TSG101: variants seen among roughly 807,000 people sequenced by gnomAD.
TSG101 encodes tumor susceptibility 101, also known as tumor susceptibility gene 101 protein.
Under a neutral mutation model 48.5 loss-of-function variants are expected in TSG101, and 19 were observed. The ratio of observed to expected loss-of-function variants is 0.39; its 90% confidence interval spans 0.27 to 0.58. The LOEUF (loss-of-function observed/expected upper bound fraction) is 0.58, where lower values mean the gene tolerates loss of function less well. TSG101 is among the 20% of genes least tolerant of loss of function. The probability of loss-of-function intolerance (pLI) is 0.55; values close to 1 mark genes in which losing one functional copy is unlikely to be tolerated. For synonymous variants in TSG101, 174 were observed against 169.4 expected (o/e 1.03, Z -0.21); for missense variants, 365 against 484.4 (o/e 0.75, Z 2.31).
chr11:18,498,389 A>C lies in TSG101; in HGVS notation c.640+4097T>G, dbSNP rs146428478. ...GAGAGATGTAGGGGGACAAGGAAAG[A>C]AGCAGAGAAATCTTGTGGAAGGCTT... On this transcript the variant is annotated intron_variant, in intron 7 of 9. Coordinates refer to ENST00000251968, the MANE Select transcript of TSG101 (RefSeq NM_006292.4). Among the ~76,000 whole-genome samples the C allele has an allele frequency of 2.2e-4, 33 of 152,332 alleles. No individual in the cohort carries two copies. In the East Asian group the frequency reaches 5.8e-3, roughly 27 times the overall value.
chr11:18,525,198 T>A (rs1347223372), intron 1 of TSG101, among the ~76,000 whole-genome samples: 1 of 152,166 alleles, frequency 6.6e-6, no homozygotes, highest in African/African-American at 2.4e-5. Flanking sequence ...CGTAAGCCAC[T>A]GCGCCCAGCC....
At chr11:18,481,957 TAACA>T in intron 8 of TSG101, 88 bp from the exon 9 acceptor site, 1 of 1,533,134 alleles carries the variant, frequency 6.5e-7, no homozygotes, top group South Asian at 1.3e-5. Flanking sequence ...AAAGACAGGC[TAACA>T]ACCATGTTTA....
At chr11:18,494,407 C>T (rs184856305) in intron 7 of TSG101, among the ~76,000 whole-genome samples, 242 of 152,262 alleles carry the variant, frequency 1.6e-3, no homozygotes, top group African/African-American at 5.3e-3. Context: ...ATAGGAATAA[C>T]GACAGGAAGC....
chr11:18,488,983 T>C (rs1359415070), intron 7 of TSG101, among the ~76,000 whole-genome samples: 6 of 151,748 alleles, frequency 4.0e-5, no homozygotes, highest in Non-Finnish European at 8.8e-5. Flanking sequence ...GGCGTGGTGG[T>C]GCGTGCCTGT....
rs1290069477 is a variant in TSG101, at chr11:18,480,499, G to C, written c.*47C>G. ...TGGGCACCTACTGATAAAAGGAAGA[G>C]AAGAATACTTTAAGAAGAGCTCAAC... is the stretch of plus-strand genomic sequence containing the variant. On this transcript the variant is annotated 3_prime_UTR_variant, in exon 10 of 10. Transcript: ENST00000251968. 1.3e-6 allele frequency: 2 copies of C among 1,485,534 alleles called. No homozygotes were observed. Among genetic ancestry groups the C allele is most frequent in the East Asian group, 4.6e-5 (2 of 43,632 alleles). The allele number at this position is 1,485,534 out of a possible 1,614,324, so 92.0% of individuals were successfully genotyped here.
chr11:18,481,389 A>G, intron 9 of TSG101: 1 of 1,296,702 alleles, frequency 7.7e-7, no homozygotes, highest in East Asian at 3.3e-5. Flanking sequence ...CACTCATCTT[A>G]ATGCTGCCTG....
At position 18,487,267 on chromosome 11, in the gene TSG101, A is replaced by G. The variant is rs548015713; in HGVS notation, c.641-3195T>C. On this transcript the variant is annotated intron_variant, in intron 7 of 9. Transcript: ENST00000251968. Reference sequence around the variant, plus strand: ...CCCTAAAACTTAAAGTATAATAAAAAAAAAAAAGAAAAAAAAATTTCTGTT... The same window carrying G: ...CCCTAAAACTTAAAGTATAATAAAAGAAAAAAAGAAAAAAAAATTTCTGTT... Among the ~76,000 whole-genome samples the G allele has an allele frequency of 7.9e-5, 12 of 151,992 alleles. No individual in the cohort carries two copies. In the East Asian group the frequency reaches 2.3e-3, roughly 29 times the overall value.
At chr11:18,515,528 T>C (rs1326774615) in intron 3 of TSG101, among the ~76,000 whole-genome samples, 1 of 152,226 alleles carries the variant, frequency 6.6e-6, no homozygotes, top group East Asian at 1.9e-4. Context: ...TCATTAGCAT[T>C]ATCACCAACA....
intron 7 of TSG101, among the ~76,000 whole-genome samples, chr11:18,498,607 G>A (rs1218604185): frequency 6.6e-6 from 1 of 152,166 alleles, no homozygotes; most frequent in East Asian, 1.9e-4. Flanking sequence ...TTGAGTTTGA[G>A]ATGCCTATTA....
chr11:18,499,255 T>A (rs976089366), intron 7 of TSG101, among the ~76,000 whole-genome samples: 1 of 118,952 alleles, frequency 8.4e-6, no homozygotes, highest in Non-Finnish European at 1.8e-5. Context: ...ATTTATATAT[T>A]ATATATATTT....
intron 7 of TSG101, among the ~76,000 whole-genome samples, chr11:18,498,937 G>T (rs1033445153): frequency 1.3e-5 from 2 of 152,042 alleles, no homozygotes; most frequent in South Asian, 2.1e-4. Flanking sequence ...GTAACCAACT[G>T]TGTCAAATGC....
chr11:18,494,939 T>C (rs1849751577), intron 7 of TSG101, among the ~76,000 whole-genome samples: 1 of 152,248 alleles, frequency 6.6e-6, no homozygotes, highest in Admixed American at 6.5e-5. Flanking sequence ...CTTATTTTTC[T>C]TCACCTTTTC....
intron 7 of TSG101, among the ~76,000 whole-genome samples, chr11:18,487,208 C>T (rs1849631596): frequency 6.6e-6 from 1 of 150,406 alleles, no homozygotes; most frequent in Admixed American, 6.6e-5. Context: ...CACATGTATA[C>T]ATATGTAACT....
At chr11:18,503,283 A>G (rs1435615772) in intron 6 of TSG101, among the ~76,000 whole-genome samples, 1 of 152,200 alleles carries the variant, frequency 6.6e-6, no homozygotes, top group Admixed American at 6.5e-5. Context: ...GCATTTTGGA[A>G]GACACTCAAC....
intron 5 of TSG101, chr11:18,508,527 C>A (rs1354524414): frequency 6.6e-6 from 1 of 152,058 alleles, no homozygotes; most frequent in Non-Finnish European, 1.5e-5. Context: ...AGATACTCTA[C>A]TCTTGGGCAC....
intron 7 of TSG101, among the ~76,000 whole-genome samples, chr11:18,487,707 CAAA>C (rs1849640216): frequency 6.6e-6 from 1 of 151,990 alleles, no homozygotes; most frequent in South Asian, 2.1e-4. Flanking sequence ...ACAAAAGAAA[CAAA>C]AAAACCTCAA....
At chr11:18,515,414 G>C (rs1181764403) in intron 3 of TSG101, among the ~76,000 whole-genome samples, 2 of 152,128 alleles carry the variant, frequency 1.3e-5, no homozygotes, top group African/African-American at 2.4e-5. Context: ...TTAACAAACA[G>C]AGCTGTCCAA....
intron 6 of TSG101, among the ~76,000 whole-genome samples, chr11:18,503,205 T>A (rs1849916128): frequency 6.6e-6 from 1 of 152,126 alleles, no homozygotes; most frequent in Non-Finnish European, 1.5e-5. Flanking sequence ...CCCTGACAAA[T>A]GGTCATCTTT....
At chr11:18,525,389 A>G (rs1262108288) in intron 1 of TSG101, among the ~76,000 whole-genome samples, 1 of 152,026 alleles carries the variant, frequency 6.6e-6, no homozygotes, top group Admixed American at 6.6e-5. Flanking sequence ...TACTAAAAAT[A>G]CAACAATCAG....
Sources: gnomAD v4.1 joint callset for allele counts (sites outside exome capture counted in the v4.1 genomes callset) on GRCh38, gnomAD v4.1.1 for gene constraint, MANE v1.5 for transcripts, NCBI Gene and HGNC (gene_info 2026-07-23, HGNC 2026-07-21) for gene names.